The following SLC22A14 variants were observed in gnomAD, a reference collection of about 807,000 sequenced individuals.
SLC22A14 encodes the protein solute carrier family 22 member 14.
In SLC22A14, 50 loss-of-function variants were observed where a neutral mutation model predicts 53.9. The observed-to-expected ratio is 0.93, with a 90% confidence interval of 0.74 to 1.17. The LOEUF (loss-of-function observed/expected upper bound fraction) is 1.17. Among genes scored for constraint, SLC22A14 ranks in the 50% most tolerant of loss-of-function variants. The pLI, the probability that SLC22A14 is intolerant of heterozygous loss-of-function variation, is 0.00. For missense variants in SLC22A14, 671 were observed against 734.7 expected, an observed-to-expected ratio of 0.91 and a Z score of 1.00; for synonymous variants, 312 against 303.0, an observed-to-expected ratio of 1.03 and a Z score of -0.31.
At position 38,307,452 on chromosome 3, in the gene SLC22A14, G is replaced by A. The variant is rs1355923580; in HGVS notation, c.620+95G>A. The A allele has an allele frequency of 6.5e-6, 10 of 1,538,310 alleles. No individual in the cohort carries two copies. The highest frequency in any genetic ancestry group is 9.0e-6 in the Non-Finnish European group (10 of 1,112,882). Reference sequence around the variant, plus strand: ...AGTGTGTCAGGCTGAGGGAGGTGAGGGTAGGGGTTCTCCAGGGACCCATGG... The same window carrying A: ...AGTGTGTCAGGCTGAGGGAGGTGAGAGTAGGGGTTCTCCAGGGACCCATGG... On this transcript the variant is annotated intron_variant, in intron 3 of 10. Transcript: ENST00000448498. This position sits in a 1 kb window ranked among gnomAD's most constrained non-coding sequence, Gnocchi z 4.4.
chr3:38,294,171 G>A (rs925418526), intron 1 of SLC22A14, among the ~76,000 whole-genome samples: 26 of 150,484 alleles, frequency 1.7e-4, no homozygotes, highest in African/African-American at 4.9e-4. Context: ...CTTTTGGACC[G>A]TTTGGGTTGA....
upstream of SLC22A14, among the ~76,000 whole-genome samples, chr3:38,280,966 A>G (rs757148619): frequency 1.3e-5 from 2 of 152,152 alleles, no homozygotes; most frequent in African/African-American, 4.8e-5. Context: ...ACAAACCAAA[A>G]CAAAGGGGTG....
upstream of SLC22A14, among the ~76,000 whole-genome samples, chr3:38,280,732 C>T (rs143098525): frequency 3.5e-3 from 528 of 151,932 alleles, 2 homozygotes; most frequent in African/African-American, 0.012. Context: ...TGGGTTCAAG[C>T]GATTCTCTTG....
At chr3:38,298,056 C>T (rs1318225587) in intron 1 of SLC22A14, among the ~76,000 whole-genome samples, 5 of 152,116 alleles carry the variant, frequency 3.3e-5, no homozygotes, top group Non-Finnish European at 5.9e-5. Context: ...CTTATTTATT[C>T]ACTTATTTAT....
At chr3:38,302,701 A>G (rs932805204) in intron 1 of SLC22A14, among the ~76,000 whole-genome samples, 1 of 152,178 alleles carries the variant, frequency 6.6e-6, no homozygotes. Context: ...CTCTCAATGT[A>G]CTATTAAATT....
At chr3:38,283,220 GA>G (rs1703711367) in intron 1 of SLC22A14, among the ~76,000 whole-genome samples, 1 of 152,096 alleles carries the variant, frequency 6.6e-6, no homozygotes, top group African/African-American at 2.4e-5. Flanking sequence ...GACAATCCAG[GA>G]TAATCTATTT....
upstream of SLC22A14, among the ~76,000 whole-genome samples, chr3:38,279,852 G>T (rs2125865666): frequency 6.6e-6 from 1 of 152,220 alleles, no homozygotes; most frequent in African/African-American, 2.4e-5. Context: ...TAAACATTTA[G>T]TCCAGGTGTG....
chr3:38,316,401 C>T lies in SLC22A14; in HGVS notation c.1610C>T (p.Pro537Leu). Residue 537 changes from proline to leucine, a missense_variant, in exon 10 of 11, where the codon CCC becomes CTC. By Grantham distance (98) the Pro-to-Leu change is moderately conservative. Transcript: ENST00000448498. ...ILSLTIISQTPSLLPIFLCCV... is the reference protein window; with the variant it reads ...ILSLTIISQTLSLLPIFLCCV... ...TCCCTGACAATCATCAGCCAGACCC[C>T]CTCCCTCCTGCCCATCTTTCTCTGC... 6.2e-7 allele frequency: 1 copy of T among 1,614,192 alleles called. No individual in the cohort carries two copies.
intron 1 of SLC22A14, among the ~76,000 whole-genome samples, chr3:38,298,423 C>CATCT (rs60379934): frequency 0.091 from 13,389 of 146,380 alleles, 594 homozygotes; most frequent in Non-Finnish European, 0.098. Context: ...CTTGCACACA[C>CATCT]ATCTATCTAT....
chr3:38,308,414 T>A (rs1362906207), intron 4 of SLC22A14, among the ~76,000 whole-genome samples: 1 of 152,240 alleles, frequency 6.6e-6, no homozygotes, highest in Non-Finnish European at 1.5e-5. Flanking sequence ...GTTAACCAAC[T>A]TGCACAGGGC....
intron 9 of SLC22A14, 33 bp downstream of exon 9, chr3:38,315,744 G>A (rs1441134722): frequency 2.5e-6 from 4 of 1,598,344 alleles, no homozygotes; most frequent in Non-Finnish European, 3.4e-6. Flanking sequence ...GGGCCATGGG[G>A]ACATGCGCAG....
At chr3:38,310,285 G>A (rs545394270) in intron 5 of SLC22A14, among the ~76,000 whole-genome samples, 1 of 152,228 alleles carries the variant, frequency 6.6e-6, no homozygotes, top group Middle Eastern at 3.4e-3. Context: ...GGCTGAGGTG[G>A]GAGGATCACT....
intron 5 of SLC22A14, among the ~76,000 whole-genome samples, chr3:38,311,285 T>C (rs1330592227): frequency 6.6e-6 from 1 of 152,172 alleles, no homozygotes; most frequent in Non-Finnish European, 1.5e-5. Flanking sequence ...GCTTTGGCAG[T>C]CTGGGCCTGT....
At chr3:38,305,010 T>C (rs1030614241) in intron 1 of SLC22A14, among the ~76,000 whole-genome samples, 1 of 152,202 alleles carries the variant, frequency 6.6e-6, no homozygotes, top group Non-Finnish European at 1.5e-5. Context: ...TCTTAGTGTT[T>C]TTATCTCAAC....
intron 5 of SLC22A14, among the ~76,000 whole-genome samples, chr3:38,311,399 T>C (rs1704464341): frequency 6.6e-6 from 1 of 152,216 alleles, no homozygotes; most frequent in Non-Finnish European, 1.5e-5. Flanking sequence ...CTGGCCTCCT[T>C]ATCAAACAGT....
chr3:38,313,599 A>G (rs1704534436), intron 7 of SLC22A14, 114 bp downstream of exon 7: 1 of 946,026 alleles, frequency 1.1e-6, no homozygotes, highest in Admixed American at 1.9e-5. Context: ...GACACAGATC[A>G]CAGGTCTCTG....
intron 1 of SLC22A14, among the ~76,000 whole-genome samples, chr3:38,299,871 A>T (rs1013636820): frequency 6.6e-6 from 1 of 152,180 alleles, no homozygotes; most frequent in Admixed American, 6.6e-5. Context: ...CTAGTATTGC[A>T]CTGAGTGGCT....
chr3:38,311,325 A>C (rs1704462561), intron 5 of SLC22A14, among the ~76,000 whole-genome samples: 1 of 152,170 alleles, frequency 6.6e-6, no homozygotes, highest in African/African-American at 2.4e-5. Context: ...ATGATCTCTA[A>C]TGTATCTTTG....
chr3:38,294,318 A>C (rs1703977894), intron 1 of SLC22A14, among the ~76,000 whole-genome samples: 1 of 152,106 alleles, frequency 6.6e-6, no homozygotes, highest in Non-Finnish European at 1.5e-5. Context: ...GAAAGTTGGT[A>C]CATGTGGCAC....
Sources: gnomAD v4.1 joint callset for allele counts (sites outside exome capture counted in the v4.1 genomes callset) on GRCh38, gnomAD v4.1.1 for gene constraint, Gnocchi (gnomAD v3.1) non-coding constraint, MANE v1.5 for transcripts, NCBI Gene and HGNC (gene_info 2026-07-23, HGNC 2026-07-21) for gene names.